The following DLG2 variants were observed in gnomAD, a reference collection of about 807,000 sequenced individuals.
DLG2 encodes discs large MAGUK scaffold protein 2.
In DLG2, 45 loss-of-function variants were observed where a neutral mutation model predicts 132.5. The observed-to-expected ratio is 0.34, with a 90% confidence interval of 0.27 to 0.44. The LOEUF is 0.44. Ranked by LOEUF, DLG2 falls within the 20% of genes least tolerant of loss-of-function variation. DLG2 has a pLI of 1.00. For synonymous variants in DLG2, 424 were observed against 419.6 expected (o/e 1.01, Z -0.13); for missense variants, 1,045 against 1,196.9 (o/e 0.87, Z 1.87).
At chr11:84,297,568 C>G (rs188232057) in intron 7 of DLG2, among the ~76,000 whole-genome samples, 92 of 152,254 alleles carry the variant, frequency 6.0e-4, no homozygotes, top group African/African-American at 2.1e-3. Context: ...CATTATCTCT[C>G]GGTTACAAGT....
At chr11:84,535,940 A>G (rs2099354381) in intron 6 of DLG2, among the ~76,000 whole-genome samples, 1 of 140,010 alleles carries the variant, frequency 7.1e-6, no homozygotes, top group Admixed American at 6.9e-5. Flanking sequence ...ATCAATGGTT[A>G]ATTTTTTCAT....
chr11:85,575,235 C>T (rs2078083520), intron 3 of DLG2, among the ~76,000 whole-genome samples: 1 of 151,704 alleles, frequency 6.6e-6, no homozygotes, highest in East Asian at 1.9e-4. Flanking sequence ...ACTACTGTTT[C>T]TCAATCAGGA....
intron 7 of DLG2, among the ~76,000 whole-genome samples, chr11:84,280,324 G>A (rs10898224): frequency 0.6 from 90,354 of 150,874 alleles, 27,201 homozygotes; most frequent in Middle Eastern, 0.68. Flanking sequence ...TTTTTGAGAC[G>A]GAGTCACGCT....
In DLG2 at chr11:84,931,689, T is replaced by C. The variant is rs867058774; in HGVS notation, c.357+179972A>G. ...TGAGGTCTTTGAGGAAATGCCACAC[T>C]GTCTTCCAATATGGTTGAACTAATT... On this transcript the variant is annotated intron_variant, in intron 6 of 27. Coordinates refer to ENST00000376104, the MANE Select transcript of DLG2 (RefSeq NM_001142699.3). 3.0e-4 allele frequency among the ~76,000 whole-genome samples: 45 copies of C among 149,974 alleles called. 1 individual carries two copies. Among genetic ancestry groups the C allele is most frequent in the Middle Eastern group, 6.8e-3 (2 of 292 alleles).
intron 6 of DLG2, among the ~76,000 whole-genome samples, chr11:84,924,066 A>C (rs1469171362): frequency 6.6e-6 from 1 of 152,108 alleles, no homozygotes; most frequent in Non-Finnish European, 1.5e-5. Flanking sequence ...GCAAGAGAGA[A>C]AAATAAAAGC....
Position 83,511,219 on chromosome 11 carries a change from A to G in DLG2, c.2193+21489T>C, listed in dbSNP as rs139268458. On this transcript the variant is annotated intron_variant, in intron 21 of 27. Transcript: ENST00000376104. ...AGTCTGTTACTGTAAACCAATTGTC[A>G]CTTTAAAGCCAGAGAGAACATGCTA... 6.9e-3 allele frequency among the ~76,000 whole-genome samples: 1,054 copies of G among 152,062 alleles called. 17 individuals are homozygous for G. Among genetic ancestry groups the G allele is most frequent in the African/African-American group, 0.025 (1,021 of 41,458 alleles).
chr11:84,527,849 A>G (rs1565199165), intron 7 of DLG2, among the ~76,000 whole-genome samples: 1 of 150,376 alleles, frequency 6.6e-6, no homozygotes, highest in Non-Finnish European at 1.5e-5. Context: ...TGTATAAGTG[A>G]TGATTAGGTA....
At chr11:84,192,379 C>T (rs1454022) in intron 8 of DLG2, among the ~76,000 whole-genome samples, 129,892 of 152,164 alleles carry the variant, frequency 0.85, 55,652 homozygotes, top group Middle Eastern at 0.94. Flanking sequence ...ACTACATGCA[C>T]GTAAAGAATA....
chr11:84,613,357 C>T (rs1219000206), intron 6 of DLG2, among the ~76,000 whole-genome samples: 1 of 152,068 alleles, frequency 6.6e-6, no homozygotes, highest in Non-Finnish European at 1.5e-5. Flanking sequence ...GGCAAGTTCC[C>T]ACAAAAATTT....
chr11:84,281,936 A>G (rs926522537), intron 7 of DLG2, among the ~76,000 whole-genome samples: 2 of 151,866 alleles, frequency 1.3e-5, no homozygotes, highest in Non-Finnish European at 2.9e-5. Context: ...AAATTGTACA[A>G]CCCCTTTGGA....
At chr11:84,284,544 G>A (rs1045425516) in intron 7 of DLG2, among the ~76,000 whole-genome samples, 4 of 152,236 alleles carry the variant, frequency 2.6e-5, no homozygotes, top group East Asian at 1.9e-4. Context: ...AGAGACCTGA[G>A]AGAAGTTGAC....
intron 9 of DLG2, among the ~76,000 whole-genome samples, chr11:84,141,557 A>T (rs1319609248): frequency 6.6e-6 from 1 of 152,154 alleles, no homozygotes; most frequent in Non-Finnish European, 1.5e-5. Flanking sequence ...CAAATGAAAA[A>T]AAATAAACTA....
At chr11:83,856,675 G>A (rs1448015159) in intron 16 of DLG2, among the ~76,000 whole-genome samples, 1 of 151,920 alleles carries the variant, frequency 6.6e-6, no homozygotes, top group African/African-American at 2.4e-5. Flanking sequence ...TTTTTAATGG[G>A]GTTGTTTGTC....
intron 3 of DLG2, among the ~76,000 whole-genome samples, chr11:85,517,001 G>C (rs1232034723): frequency 1.3e-5 from 2 of 151,972 alleles, no homozygotes; most frequent in African/African-American, 4.8e-5. Flanking sequence ...CAGTATCCCT[G>C]ATGAAAATAG....
chr11:83,977,149 G>A (rs1358855580), intron 12 of DLG2, among the ~76,000 whole-genome samples: 1 of 151,976 alleles, frequency 6.6e-6, no homozygotes, highest in Non-Finnish European at 1.5e-5. Context: ...ACCAAAGAAA[G>A]TGGGTTATTT....
At chr11:85,216,911 G>A (rs1162358752) in intron 4 of DLG2, among the ~76,000 whole-genome samples, 1 of 151,984 alleles carries the variant, frequency 6.6e-6, no homozygotes, top group Non-Finnish European at 1.5e-5. Context: ...GGCCAGGCTG[G>A]TCTTGAACTC....
intron 6 of DLG2, among the ~76,000 whole-genome samples, chr11:84,579,584 T>C (rs2099511611): frequency 6.6e-6 from 1 of 152,148 alleles, no homozygotes; most frequent in African/African-American, 2.4e-5. Flanking sequence ...GTTAAGTATA[T>C]GTTGCTATAA....
intron 21 of DLG2, among the ~76,000 whole-genome samples, chr11:83,523,304 T>C (rs2095529379): frequency 6.6e-6 from 1 of 152,202 alleles, no homozygotes; most frequent in Admixed American, 6.5e-5. Flanking sequence ...CTCAGTGTTA[T>C]CTGATAAAAC....
chr11:84,026,288 C>A (rs761130371), intron 11 of DLG2, among the ~76,000 whole-genome samples: 1 of 151,964 alleles, frequency 6.6e-6, no homozygotes, highest in Non-Finnish European at 1.5e-5. Context: ...AGGAGTCGTG[C>A]CTGGTTTGGA....
Sources: allele counts gnomAD v4.1 joint callset (sites outside exome capture counted in the v4.1 genomes callset), GRCh38; gene constraint gnomAD v4.1.1; transcripts MANE v1.5; gene names NCBI Gene and HGNC (gene_info 2026-07-23, HGNC 2026-07-21).